The following PRKD1 variants were observed in gnomAD, a reference collection of about 807,000 sequenced individuals.
PRKD1 encodes the protein serine/threonine-protein kinase D1.
A neutral mutation model predicts 95.9 loss-of-function variants in PRKD1; 63 were observed. The ratio of observed to expected loss-of-function variants is 0.66; its 90% CI spans 0.54 to 0.81. The LOEUF is 0.81. Among genes scored for constraint, PRKD1 ranks in the 30% least tolerant of loss-of-function variants. The probability of loss-of-function intolerance (pLI) is 0.00; values close to 1 mark genes in which losing one functional copy is unlikely to be tolerated. For missense variants in PRKD1, 1,048 were observed against 1,165.3 expected (o/e 0.90, Z 1.47); for synonymous variants, 425 against 423.1 (o/e 1.00, Z -0.05).
chr14:29,657,470 C>CA (rs1200465965), intron 4 of PRKD1: 2 of 152,188 alleles, frequency 1.3e-5, no homozygotes, highest in African/African-American at 4.8e-5. Context: ...TTTGAATCCT[C>CA]AGTCCTCATT....
intron 2 of PRKD1, among the ~76,000 whole-genome samples, chr14:29,691,550 G>A (rs1884233647): frequency 6.6e-6 from 1 of 152,146 alleles, no homozygotes; most frequent in African/African-American, 2.4e-5. Flanking sequence ...TGCAGAGGAT[G>A]GCTAAAACAA....
chr14:29,795,257 T>G (rs1441839831), intron 1 of PRKD1, among the ~76,000 whole-genome samples: 1 of 151,860 alleles, frequency 6.6e-6, no homozygotes, highest in Non-Finnish European at 1.5e-5. Context: ...CCCCATTGCT[T>G]TTGTCTCTTT....
chr14:29,585,505 C>T (rs1287369343), intron 16 of PRKD1, among the ~76,000 whole-genome samples: 2 of 152,090 alleles, frequency 1.3e-5, no homozygotes, highest in Non-Finnish European at 2.9e-5. Context: ...TTTAAACACA[C>T]CCATACAGCA....
At chr14:29,625,542 A>AT (rs910155386) in intron 12 of PRKD1, among the ~76,000 whole-genome samples, 16 of 150,992 alleles carry the variant, frequency 1.1e-4, no homozygotes, top group African/African-American at 2.4e-4. Flanking sequence ...ATCTACCATA[A>AT]TTTTTTTTTG....
At chr14:29,861,324 C>T (rs1334528867) in intron 1 of PRKD1, among the ~76,000 whole-genome samples, 2 of 152,174 alleles carry the variant, frequency 1.3e-5, no homozygotes, top group Non-Finnish European at 2.9e-5. Flanking sequence ...AAACTATATC[C>T]TGACACACCT....
chr14:29,668,048 T>A (rs1882623266), intron 2 of PRKD1, among the ~76,000 whole-genome samples: 1 of 152,122 alleles, frequency 6.6e-6, no homozygotes, highest in Admixed American at 6.6e-5. Flanking sequence ...TCCTGTTAAT[T>A]TTAGAATAAT....
chr14:29,823,126 T>C (rs1347400863), intron 1 of PRKD1, among the ~76,000 whole-genome samples: 1 of 152,164 alleles, frequency 6.6e-6, no homozygotes, highest in Non-Finnish European at 1.5e-5. Flanking sequence ...ATATACTATG[T>C]GTGAATCAAC....
In PRKD1 at chr14:29,884,463, C is replaced by A. The variant is rs1450924652; in HGVS notation, c.264+42786G>T. On this transcript the variant is annotated intron_variant, in intron 1 of 17. Transcript: ENST00000331968. ...AAAGGGATATAAATTATTTTTTCTG[C>A]AATTTATGATCCATAATTTTATACC... Among the ~76,000 whole-genome samples, 4 of 152,030 alleles carry A rather than the reference C, an allele frequency of 2.6e-5. No homozygotes were observed. The East Asian group carries it at 7.7e-4, about 29-fold the overall frequency.
At chr14:29,744,828 T>C (rs1487398967) in intron 1 of PRKD1, among the ~76,000 whole-genome samples, 1 of 152,164 alleles carries the variant, frequency 6.6e-6, no homozygotes, top group African/African-American at 2.4e-5. Context: ...ATTACAGGCA[T>C]AGCCACTGTG....
intron 1 of PRKD1, among the ~76,000 whole-genome samples, chr14:29,773,646 CTTAT>C (rs1339468046): frequency 6.6e-6 from 1 of 152,034 alleles, no homozygotes; most frequent in African/African-American, 2.4e-5. Flanking sequence ...ACAATCCAAT[CTTAT>C]TTGATACAAT....
At chr14:29,790,880 G>C (rs1014492976) in intron 1 of PRKD1, among the ~76,000 whole-genome samples, 5 of 152,154 alleles carry the variant, frequency 3.3e-5, no homozygotes, top group Non-Finnish European at 7.3e-5. Flanking sequence ...GATTATGATA[G>C]TCATAAGTGT....
chr14:29,767,946 G>A (rs1888328050), intron 1 of PRKD1, among the ~76,000 whole-genome samples: 2 of 152,130 alleles, frequency 1.3e-5, no homozygotes, highest in South Asian at 4.1e-4. Flanking sequence ...CAAGCAAGAG[G>A]TAAATAGGTT....
intron 2 of PRKD1, among the ~76,000 whole-genome samples, chr14:29,672,317 G>A (rs1312789165): frequency 6.6e-6 from 1 of 151,366 alleles, no homozygotes; most frequent in Non-Finnish European, 1.5e-5. Context: ...CTCCAGCCTG[G>A]GTGACAGAGC....
chr14:29,853,731 C>T (rs1193064091), intron 1 of PRKD1, among the ~76,000 whole-genome samples: 2 of 152,326 alleles, frequency 1.3e-5, no homozygotes, highest in East Asian at 3.9e-4. Flanking sequence ...ACCCAAATCT[C>T]ATCTTGTAGC....
At chr14:29,709,070 T>G (rs762364210) in intron 2 of PRKD1, among the ~76,000 whole-genome samples, 1 of 152,138 alleles carries the variant, frequency 6.6e-6, no homozygotes, top group Non-Finnish European at 1.5e-5. Flanking sequence ...GATGGCAAAT[T>G]CAGATCTAAA....
intron 2 of PRKD1, among the ~76,000 whole-genome samples, chr14:29,712,224 T>C (rs986944816): frequency 6.6e-6 from 1 of 152,136 alleles, no homozygotes; most frequent in African/African-American, 2.4e-5. Context: ...AAGATTAGTA[T>C]GTGGGAGAAA....
At chr14:29,870,530 T>C (rs997827026) in intron 1 of PRKD1, among the ~76,000 whole-genome samples, 16 of 152,198 alleles carry the variant, frequency 1.1e-4, no homozygotes, top group African/African-American at 3.6e-4. Context: ...TCCACAAATG[T>C]TTGTCATTCG....
chr14:29,727,380 G>A (rs533666092), intron 1 of PRKD1, among the ~76,000 whole-genome samples: 63 of 148,172 alleles, frequency 4.3e-4, no homozygotes, highest in African/African-American at 1.5e-3. Context: ...CTTTTGCTGT[G>A]CAGAAGCTCT....
At chr14:29,612,127 T>G (rs1322398435) in intron 13 of PRKD1, among the ~76,000 whole-genome samples, 1 of 152,214 alleles carries the variant, frequency 6.6e-6, no homozygotes. Context: ...TAGGGTCTAC[T>G]GGACAAGGTT....
Sources: allele counts gnomAD v4.1 joint callset (sites outside exome capture counted in the v4.1 genomes callset), GRCh38; gene constraint gnomAD v4.1.1; transcripts MANE v1.5; gene names NCBI Gene and HGNC (gene_info 2026-07-23, HGNC 2026-07-21).